SPATA17: variants seen among roughly 807,000 people sequenced by gnomAD.
The protein encoded by SPATA17 is spermatogenesis associated 17.
Under a neutral mutation model 62.2 loss-of-function variants are expected in SPATA17, and 53 were observed. That is an observed-to-expected ratio of 0.85 (90% CI 0.68 to 1.07). The LOEUF is 1.07. Ranked by LOEUF, SPATA17 falls within the 50% of genes least tolerant of loss-of-function variation. SPATA17 has a pLI of 0.00. For missense variants in SPATA17, 466 were observed against 425.5 expected (o/e 1.10, Z -0.84); for synonymous variants, 146 against 146.8 (o/e 0.99, Z 0.04).
intron 8 of SPATA17, among the ~76,000 whole-genome samples, chr1:217,784,453 T>C (rs1422657443): frequency 6.6e-6 from 1 of 152,128 alleles, no homozygotes; most frequent in African/African-American, 2.4e-5. Context: ...CAGTGTGTTA[T>C]AGTAGAAGTA....
chr1:217,808,321 G>A (rs938030786), intron 9 of SPATA17, among the ~76,000 whole-genome samples: 9 of 149,040 alleles, frequency 6.0e-5, no homozygotes, highest in Admixed American at 4.7e-4. Context: ...GAATATTTTG[G>A]TTTCCTTCAC....
rs1216770448 is a variant in SPATA17, at chr1:217,798,010, G to A, written c.873-3708G>A. Among the ~76,000 whole-genome samples the A allele has an allele frequency of 3.9e-5, 6 of 152,214 alleles. No individual in the cohort carries two copies. The East Asian group carries it at 1.2e-3, about 29-fold the overall frequency. On this transcript the variant is annotated intron_variant, in intron 8 of 10. Transcript: ENST00000366933. ...GTCCTTCCAGTGTTGTTAATGATTG[G>A]CATGAGGAGGCTGCTCATAGACTAA...
chr1:217,804,010 T>C (rs1333103483), intron 9 of SPATA17, among the ~76,000 whole-genome samples: 1 of 150,136 alleles, frequency 6.7e-6, no homozygotes, highest in African/African-American at 2.5e-5. Context: ...ACAGTAAGAC[T>C]GTCTCAAAAG....
intron 8 of SPATA17, among the ~76,000 whole-genome samples, chr1:217,794,156 T>G (rs1674077342): frequency 6.7e-6 from 1 of 149,922 alleles, no homozygotes; most frequent in Non-Finnish European, 1.5e-5. Flanking sequence ...GAAAGAAAAC[T>G]AAAAAGGATA....
chr1:217,795,762 T>C (rs1382494584), intron 8 of SPATA17, among the ~76,000 whole-genome samples: 1 of 152,108 alleles, frequency 6.6e-6, no homozygotes, highest in Admixed American at 6.5e-5. Context: ...TACGGTGCTC[T>C]GGATATAGTT....
At chr1:217,717,951 A>C (rs1002265446) in intron 5 of SPATA17, among the ~76,000 whole-genome samples, 1 of 152,220 alleles carries the variant, frequency 6.6e-6, no homozygotes, top group Non-Finnish European at 1.5e-5. Flanking sequence ...CACAACTGCT[A>C]TGCCCCAAAC....
rs114104265 is a variant in SPATA17, at chr1:217,684,842, A to G, written c.395+1481A>G. On this transcript the variant is annotated intron_variant, in intron 5 of 10. Transcript: ENST00000366933. ...GATATATATGAAAACTAATTTCCCA[A>G]CTACTAACTTTCTCACATATGTTGT... 4.6e-3 allele frequency among the ~76,000 whole-genome samples: 699 copies of G among 152,284 alleles called. 4 individuals carry two copies. Among genetic ancestry groups the G allele is most frequent in the African/African-American group, 0.015 (644 of 41,562 alleles).
At chr1:217,696,596 T>C (rs949868668) in intron 5 of SPATA17, among the ~76,000 whole-genome samples, 1 of 152,246 alleles carries the variant, frequency 6.6e-6, no homozygotes, top group Admixed American at 6.5e-5. Context: ...TCTTGTAAGA[T>C]TTTATTTTAA....
intron 9 of SPATA17, among the ~76,000 whole-genome samples, chr1:217,826,432 G>GAACATTTTTAATAACATTTTAAT (rs1675004021): frequency 6.6e-6 from 1 of 152,004 alleles, no homozygotes; most frequent in Non-Finnish European, 1.5e-5. Flanking sequence ...AAAGATTCTT[G>GAACATTTTTAATAACATTTTAAT]AACATTTTTA....
chr1:217,744,548 C>T (rs913784035), intron 6 of SPATA17, among the ~76,000 whole-genome samples: 4 of 151,326 alleles, frequency 2.6e-5, no homozygotes, highest in African/African-American at 9.7e-5. Flanking sequence ...TCAGGTATTA[C>T]CATTGTGTTT....
chr1:217,682,512 T>C (rs1005656288), intron 4 of SPATA17, among the ~76,000 whole-genome samples: 13 of 152,188 alleles, frequency 8.5e-5, no homozygotes, highest in African/African-American at 3.1e-4. Context: ...TTGTTCCCAG[T>C]TCTATATTGC....
In SPATA17 at chr1:217,777,833, T is replaced by C. The variant is rs551611229; in HGVS notation, c.723+3296T>C. 3.3e-5 allele frequency among the ~76,000 whole-genome samples: 5 copies of C among 152,170 alleles called. No homozygotes were observed. The South Asian group carries it at 6.2e-4, about 19-fold the overall frequency. On this transcript the variant is annotated intron_variant, in intron 7 of 10. Coordinates refer to ENST00000366933, the MANE Select transcript of SPATA17 (RefSeq NM_138796.4). ...GGACAAAAGAGAGATAGTAGGAAAA[T>C]TTTCAGTTTTTTAGGGGGATATGTC...
chr1:217,681,091 G>A (rs899104250), intron 4 of SPATA17, among the ~76,000 whole-genome samples: 5 of 151,448 alleles, frequency 3.3e-5, no homozygotes, highest in Admixed American at 6.6e-5. Context: ...TCTGGCTGTG[G>A]TGGCATGTGT....
At chr1:217,760,895 G>C (rs1344031348) in intron 6 of SPATA17, among the ~76,000 whole-genome samples, 1 of 152,252 alleles carries the variant, frequency 6.6e-6, no homozygotes, top group East Asian at 1.9e-4. Flanking sequence ...GTATATAATA[G>C]AAGGTTTGTA....
At chr1:217,756,426 G>A (rs1434722139) in intron 6 of SPATA17, among the ~76,000 whole-genome samples, 1 of 152,002 alleles carries the variant, frequency 6.6e-6, no homozygotes, top group Non-Finnish European at 1.5e-5. Flanking sequence ...TTACACAATA[G>A]ATATAGGATG....
chr1:217,781,194 T>C (rs566481543), intron 7 of SPATA17: 2 of 152,306 alleles, frequency 1.3e-5, no homozygotes, highest in South Asian at 4.1e-4. Flanking sequence ...TAAGTGAACA[T>C]AAATGAGGCG....
At chr1:217,785,782 G>A (rs1252077139) in intron 8 of SPATA17, among the ~76,000 whole-genome samples, 1 of 152,054 alleles carries the variant, frequency 6.6e-6, no homozygotes, top group African/African-American at 2.4e-5. Flanking sequence ...ATCACAGGCT[G>A]GTAGGTTATA....
At chr1:217,773,666 C>T (rs1372884023) in intron 6 of SPATA17, among the ~76,000 whole-genome samples, 2 of 152,062 alleles carry the variant, frequency 1.3e-5, no homozygotes, top group African/African-American at 4.8e-5. Flanking sequence ...ATTGATAGAA[C>T]AGCAAGGATA....
Position 217,723,723 on chromosome 1 carries a change from G to A in SPATA17, c.396-18252G>A, listed in dbSNP as rs546863033. ...GTGATCTAGGCCAATGGGGAAATAA[G>A]ACAAAACAATAGGGCAGACGAGAGA... is the stretch of plus-strand genomic sequence containing the variant. On this transcript the variant is annotated intron_variant, in intron 5 of 10. Transcript: ENST00000366933. Among the ~76,000 whole-genome samples the A allele has an allele frequency of 8.5e-5, 13 of 152,264 alleles. No individual in the cohort carries two copies. The South Asian group carries it at 2.3e-3, about 27-fold the overall frequency.
Sources: gnomAD v4.1 joint callset for allele counts (sites outside exome capture counted in the v4.1 genomes callset) on GRCh38, gnomAD v4.1.1 for gene constraint, MANE v1.5 for transcripts, NCBI Gene and HGNC (gene_info 2026-07-23, HGNC 2026-07-21) for gene names.